EYS: variants seen among roughly 807,000 people sequenced by gnomAD.
EYS encodes protein eyes shut homolog.
In EYS, 250 loss-of-function variants were observed where a neutral mutation model predicts 282.1. The observed-to-expected ratio is 0.89, with a 90% CI of 0.80 to 0.98. The LOEUF is 0.98. EYS is among the 50% of genes least tolerant of loss of function. The pLI is 0.00. For missense variants in EYS, 4,016 were observed against 3,709.0 expected (o/e 1.08, Z -2.15); for synonymous variants, 1,355 against 1,282.9 (o/e 1.06, Z -1.20).
chr6:64,273,793 T>A (rs1246876890), intron 30 of EYS, among the ~76,000 whole-genome samples: 1 of 152,186 alleles, frequency 6.6e-6, no homozygotes, highest in African/African-American at 2.4e-5. Flanking sequence ...GTTTGAGAAG[T>A]CCCTTTTCCT....
intron 30 of EYS, among the ~76,000 whole-genome samples, chr6:64,290,825 C>T (rs1768678056): frequency 6.6e-6 from 1 of 151,180 alleles, no homozygotes; most frequent in Non-Finnish European, 1.5e-5. Flanking sequence ...AAGATATTGA[C>T]AAACTTTTTC....
intron 33 of EYS, among the ~76,000 whole-genome samples, chr6:64,040,424 T>C (rs960998405): frequency 6.6e-6 from 1 of 152,214 alleles, no homozygotes; most frequent in Non-Finnish European, 1.5e-5. Flanking sequence ...AAATAATCAA[T>C]CTTGTGAAAG....
At chr6:64,862,304 A>G (rs1466436288) in intron 19 of EYS, among the ~76,000 whole-genome samples, 1 of 152,146 alleles carries the variant, frequency 6.6e-6, no homozygotes, top group East Asian at 1.9e-4. Context: ...TGGTTTCTCT[A>G]GTTTTGTGTA....
Position 63,984,387 on chromosome 6 carries a change from T to C in EYS, c.7051A>G (p.Ile2351Val), listed in dbSNP as rs1270727827. The C allele has an allele frequency of 1.9e-6, 3 of 1,546,256 alleles. No homozygotes were observed. Among genetic ancestry groups the C allele is most frequent in the East Asian group, 2.4e-5 (1 of 40,832 alleles). Reference protein sequence around the residue: ...HHLCRNNGTCISDNENLFCEC... With the variant: ...HHLCRNNGTCVSDNENLFCEC... ...AATCAGGAGACTAATACTGACCTGATGCAGGTGCCATTGTTGCGGCACAGA... is the reference window on the plus strand; with the variant it reads ...AATCAGGAGACTAATACTGACCTGACGCAGGTGCCATTGTTGCGGCACAGA... The change falls in exon 35 of 43, where the codon ATC (isoleucine) becomes GTC (valine). Residue 2351 changes from isoleucine (I) to valine (V), a missense_variant. Transcript: ENST00000503581.
intron 11 of EYS, chr6:65,304,004 TC>T: frequency 9.3e-7 from 1 of 1,073,126 alleles, no homozygotes. Context: ...CAGCACCAGC[TC>T]CCCGTCTCAA....
At chr6:65,249,234 A>C (rs1434038780) in intron 12 of EYS, among the ~76,000 whole-genome samples, 3 of 151,986 alleles carry the variant, frequency 2.0e-5, no homozygotes, top group African/African-American at 7.2e-5. Flanking sequence ...ACCAACCCCC[A>C]AAAGCTCAAA....
chr6:64,695,348 T>A (rs1770536790), intron 22 of EYS, among the ~76,000 whole-genome samples: 1 of 152,070 alleles, frequency 6.6e-6, no homozygotes, highest in African/African-American at 2.4e-5. Context: ...TGATACCAAT[T>A]CATAACATTT....
chr6:63,831,483 A>G (rs1051604339), intron 36 of EYS, among the ~76,000 whole-genome samples: 1 of 152,000 alleles, frequency 6.6e-6, no homozygotes, highest in East Asian at 1.9e-4. Flanking sequence ...CCATTACATA[A>G]GTAAAGGGAT....
chr6:63,860,772 T>C (rs1045287239), intron 36 of EYS, among the ~76,000 whole-genome samples: 10 of 152,172 alleles, frequency 6.6e-5, no homozygotes, highest in African/African-American at 2.2e-4. Context: ...AGGAGCAACA[T>C]CTATGGGCTG....
chr6:64,123,942 C>T (rs1240544049), intron 31 of EYS, among the ~76,000 whole-genome samples: 1 of 152,148 alleles, frequency 6.6e-6, no homozygotes, highest in Non-Finnish European at 1.5e-5. Context: ...AGGGATTTGT[C>T]AGAGCTTTCT....
chr6:64,409,002 T>A (rs1773805407), intron 28 of EYS, among the ~76,000 whole-genome samples: 1 of 152,126 alleles, frequency 6.6e-6, no homozygotes, highest in African/African-American at 2.4e-5. Context: ...TGTTTCCAAG[T>A]GTACTCATTG....
At chr6:64,254,364 C>T (rs1479013001) in intron 30 of EYS, among the ~76,000 whole-genome samples, 1 of 152,054 alleles carries the variant, frequency 6.6e-6, no homozygotes, top group Non-Finnish European at 1.5e-5. Context: ...TTTCAGTTTG[C>T]TCTTCCAGAG....
At chr6:64,303,102 C>G (rs1769292767) in intron 30 of EYS, among the ~76,000 whole-genome samples, 1 of 152,164 alleles carries the variant, frequency 6.6e-6, no homozygotes, top group South Asian at 2.1e-4. Flanking sequence ...TAATGTGTTA[C>G]TTGCTATGCT....
rs148093737 is a variant in EYS at position 65,593,918 on chromosome 6, T to C, written c.-333+45860A>G. 4.4e-3 allele frequency among the ~76,000 whole-genome samples: 673 copies of C among 152,118 alleles called. 3 individuals are homozygous for C. The highest frequency in any genetic ancestry group is 0.016 in the African/African-American group (645 of 41,548). Reference sequence around the variant, plus strand: ...TTCCAATACTGAGTCTACAGCACTATTGCTATCTTCATTTCACAAACAAGG... The same window carrying C: ...TTCCAATACTGAGTCTACAGCACTACTGCTATCTTCATTTCACAAACAAGG... On this transcript the variant is annotated intron_variant, in intron 2 of 42. Transcript: ENST00000503581.
At chr6:65,431,792 A>G (rs545866705) in intron 5 of EYS, among the ~76,000 whole-genome samples, 1 of 152,134 alleles carries the variant, frequency 6.6e-6, no homozygotes, top group South Asian at 2.1e-4. Flanking sequence ...TGAGCTAGTA[A>G]TTTTAGTTAT....
At chr6:65,588,931 G>C (rs149018143) in intron 2 of EYS, among the ~76,000 whole-genome samples, 2 of 152,028 alleles carry the variant, frequency 1.3e-5, no homozygotes, top group Non-Finnish European at 2.9e-5. Flanking sequence ...GCAAATCAAT[G>C]ACTTTTATAT....
rs1231859129 is a variant in EYS, at chr6:65,704,857, C to G, written c.-448+2278G>C. Among the ~76,000 whole-genome samples the G allele has an allele frequency of 3.9e-5, 6 of 152,292 alleles. No homozygotes were observed. In the South Asian group the frequency reaches 1.2e-3, roughly 32 times the overall value. On this transcript the variant is annotated intron_variant, in intron 1 of 42. Transcript: ENST00000503581. The stretch of plus-strand genomic sequence containing the variant: ...GCAAAACCCAGAATATGACCTGAGG[C>G]ACATTTTCTAATCTTTGTTTCTTCC...
At chr6:64,366,466 T>C (rs1772183377) in intron 29 of EYS, among the ~76,000 whole-genome samples, 1 of 152,100 alleles carries the variant, frequency 6.6e-6, no homozygotes, top group Non-Finnish European at 1.5e-5. Flanking sequence ...TTTTATCTAT[T>C]GCTTTAACCC....
intron 9 of EYS, 53 bp from the exon 10 acceptor site, chr6:65,344,230 A>G: frequency 1.4e-6 from 2 of 1,400,554 alleles, no homozygotes; most frequent in Non-Finnish European, 2.0e-6. Context: ...ACTTGAATTC[A>G]GAATGAATTA....
Sources: gnomAD v4.1 joint callset for allele counts (sites outside exome capture counted in the v4.1 genomes callset) on GRCh38, gnomAD v4.1.1 for gene constraint, MANE v1.5 for transcripts, NCBI Gene and HGNC (gene_info 2026-07-23, HGNC 2026-07-21) for gene names.